The following MACF1 variants were observed in gnomAD, a reference collection of about 807,000 sequenced individuals.
The protein encoded by MACF1 is microtubule-actin cross-linking factor 1.
A neutral mutation model predicts 854.8 loss-of-function variants in MACF1; 193 were observed. The observed-to-expected ratio is 0.23, with a 90% CI of 0.20 to 0.25. MACF1 has a LOEUF of 0.25. Among genes scored for constraint, MACF1 ranks in the 10% least tolerant of loss-of-function variants. The pLI is 1.00. For missense variants in MACF1, 7,722 were observed against 8,929.1 expected (o/e 0.86, Z 5.45); for synonymous variants, 3,185 against 3,226.7 (o/e 0.99, Z 0.44).
chr1:39,417,376 T>A (rs1643355008), intron 58 of MACF1, among the ~76,000 whole-genome samples: 2 of 152,112 alleles, frequency 1.3e-5, no homozygotes, highest in South Asian at 4.1e-4. Flanking sequence ...AAAATAAGGG[T>A]TCTATAAGAT....
At chr1:39,242,822 A>T (rs1644940770) in intron 2 of MACF1, among the ~76,000 whole-genome samples, 1 of 151,084 alleles carries the variant, frequency 6.6e-6, no homozygotes, top group South Asian at 2.1e-4. Context: ...AGGTGAGATG[A>T]TCTCTTGAGG....
chr1:39,365,729 G>A (rs1026023638), intron 49 of MACF1, among the ~76,000 whole-genome samples: 1 of 151,054 alleles, frequency 6.6e-6, no homozygotes, highest in African/African-American at 2.4e-5. Context: ...AGGCTGGGGT[G>A]CAGTGGCATG....
At chr1:39,110,543 TCA>T (rs2148143578) in intron 2 of MACF1, among the ~76,000 whole-genome samples, 1 of 152,170 alleles carries the variant, frequency 6.6e-6, no homozygotes, top group African/African-American at 2.4e-5. Flanking sequence ...TGGCCTACAC[TCA>T]GTTTTTAAGT....
intron 15 of MACF1, 39 bp downstream of exon 15, chr1:39,287,601 T>C (rs779344692): frequency 6.2e-7 from 1 of 1,606,956 alleles, no homozygotes; most frequent in Admixed American, 1.7e-5. Context: ...TACACTGATG[T>C]TTACTGGATC....
chr1:39,378,584 G>A, intron 53 of MACF1, 61 bp downstream of exon 53: 2 of 1,485,098 alleles, frequency 1.3e-6, no homozygotes, highest in Non-Finnish European at 1.9e-6. Context: ...GTCTATGTTT[G>A]CATCTGTGTA....
In MACF1 at chr1:39,285,828, C is replaced by T. The variant is rs1005601048; in HGVS notation, c.1508+70C>T. On this transcript the variant is annotated intron_variant, in intron 14 of 100. Coordinates refer to ENST00000564288, the MANE Select transcript of MACF1 (RefSeq NM_001394062.1). ...TGAGGCTCATGGATCAAGAGTAGAG[C>T]AAGAGTCAGGCACTTAATCTTTTAA... 5 of 1,542,726 alleles carry T rather than the reference C, an allele frequency of 3.2e-6. No individual in the cohort carries two copies. The African/African-American group carries it at 6.8e-5, about 21-fold the overall frequency.
At chr1:39,215,197 AAGG>A (rs897542451) in intron 1 of MACF1, 1 of 152,640 alleles carries the variant, frequency 6.6e-6, no homozygotes, top group African/African-American at 2.4e-5. Flanking sequence ...TCAAGGGAAG[AAGG>A]AGGTCAGTAG....
intron 2 of MACF1, among the ~76,000 whole-genome samples, chr1:39,184,994 G>A (rs1214771842): frequency 2.0e-5 from 3 of 152,218 alleles, no homozygotes; most frequent in African/African-American, 7.2e-5. Context: ...CTCTCTTTAA[G>A]ATGTATCAGG....
At chr1:39,183,384 A>C (rs917235804) in intron 2 of MACF1, among the ~76,000 whole-genome samples, 3 of 152,176 alleles carry the variant, frequency 2.0e-5, no homozygotes, top group African/African-American at 7.2e-5. Context: ...TTATAAAAAT[A>C]TTAGGCTGAT....
chr1:39,369,978 G>C (rs978364319), intron 50 of MACF1, 52 bp from the exon 51 acceptor site: 7 of 1,549,874 alleles, frequency 4.5e-6, no homozygotes, highest in Admixed American at 1.9e-5. Context: ...CTTAGCTCAA[G>C]TTGACTTTAT....
At chr1:39,473,422 C>G (rs919363620) in intron 97 of MACF1, among the ~76,000 whole-genome samples, 4 of 152,174 alleles carry the variant, frequency 2.6e-5, no homozygotes, top group Admixed American at 6.5e-5. Context: ...ATTCTATCTG[C>G]TCTTTTAAAT....
At chr1:39,361,700 A>T in intron 49 of MACF1, 23 bp downstream of exon 49, 2 of 1,610,170 alleles carry the variant, frequency 1.2e-6, no homozygotes, top group Non-Finnish European at 1.7e-6. Flanking sequence ...CTGCCATGTT[A>T]GCAGAATAAA....
intron 40 of MACF1, among the ~76,000 whole-genome samples, chr1:39,341,698 TA>T (rs935678444): frequency 2.0e-5 from 3 of 151,840 alleles, no homozygotes; most frequent in Admixed American, 6.6e-5. Context: ...AACTCCGTCT[TA>T]AAATAAAAAA....
chr1:39,454,535 T>A (rs977924562), intron 88 of MACF1, among the ~76,000 whole-genome samples: 1 of 152,208 alleles, frequency 6.6e-6, no homozygotes, highest in African/African-American at 2.4e-5. Context: ...GAGCAGTGGA[T>A]CACGCCTATA....
At chr1:39,141,414 G>A (rs1643343081) in intron 2 of MACF1, among the ~76,000 whole-genome samples, 2 of 152,166 alleles carry the variant, frequency 1.3e-5, no homozygotes, top group Admixed American at 6.5e-5. Flanking sequence ...ACTTGGTGTA[G>A]CATATAGGTG....
At chr1:39,254,428 C>T in intron 5 of MACF1, 53 bp downstream of exon 5, 1 of 1,529,904 alleles carries the variant, frequency 6.5e-7, no homozygotes. Context: ...GGCATTGGGG[C>T]CCTATTCAGA....
intron 60 of MACF1, 36 bp downstream of exon 60, chr1:39,422,936 C>T (rs539659531): frequency 1.9e-6 from 3 of 1,592,312 alleles, no homozygotes; most frequent in East Asian, 4.5e-5. Context: ...ACTGTAACAG[C>T]CGTAGGGAGT....
chr1:39,306,737 G>A (rs1646187826), intron 23 of MACF1, among the ~76,000 whole-genome samples: 1 of 150,744 alleles, frequency 6.6e-6, no homozygotes, highest in Admixed American at 6.6e-5. Context: ...TCCCTGGTTT[G>A]GTGGATTACA....
At chr1:39,101,811 A>G (rs1642085521) in intron 2 of MACF1, among the ~76,000 whole-genome samples, 1 of 141,254 alleles carries the variant, frequency 7.1e-6, no homozygotes, top group African/African-American at 2.6e-5. Flanking sequence ...GTGGTGACAG[A>G]GCGAGACTCC....
Sources: allele counts gnomAD v4.1 joint callset (sites outside exome capture counted in the v4.1 genomes callset), GRCh38; gene constraint gnomAD v4.1.1; transcripts MANE v1.5; gene names NCBI Gene and HGNC (gene_info 2026-07-23, HGNC 2026-07-21).